DPP8: variants seen among roughly 807,000 people sequenced by gnomAD.
DPP8 encodes DPP VIII.
DPP8 carries 31 observed loss-of-function variants against 107.5 expected under a neutral mutation model. That is an observed-to-expected ratio of 0.29 (90% confidence interval 0.22 to 0.39). The LOEUF (loss-of-function observed/expected upper bound fraction) is 0.39, where lower values mean the gene tolerates loss of function less well. Among genes scored for constraint, DPP8 ranks in the 10% least tolerant of loss-of-function variants. The pLI, the probability that DPP8 is intolerant of heterozygous loss-of-function variation, is 1.00. For missense variants in DPP8, 842 were observed against 1,076.1 expected (o/e 0.78, Z 3.04); for synonymous variants, 381 against 356.6 (o/e 1.07, Z -0.77).
intron 11 of DPP8, 114 bp downstream of exon 11, chr15:65,478,766 T>C: frequency 1.4e-6 from 1 of 707,366 alleles, no homozygotes; most frequent in Non-Finnish European, 2.3e-6. Flanking sequence ...ACATATTAAG[T>C]TTAACAAAGC....
intron 8 of DPP8, 48 bp downstream of exon 8, chr15:65,485,051 T>G (rs377279610): frequency 7.0e-7 from 1 of 1,430,196 alleles, no homozygotes; most frequent in Non-Finnish European, 9.9e-7. Flanking sequence ...CTGGGCTGAA[T>G]AGATTAGTCA....
intron 12 of DPP8, among the ~76,000 whole-genome samples, chr15:65,472,852 C>T (rs971862649): frequency 5.9e-5 from 9 of 152,022 alleles, no homozygotes; most frequent in Non-Finnish European, 1.3e-4. Context: ...CCAGCCTGGG[C>T]AACATGGCGG....
At position 65,466,667 on chromosome 15, in the gene DPP8, A is replaced by G; in HGVS notation, c.1825+11T>C. 2 of 1,613,216 alleles carry G rather than the reference A, an allele frequency of 1.2e-6. No individual in the cohort carries two copies. Among genetic ancestry groups the G allele is most frequent in the Middle Eastern group, 1.6e-4 (1 of 6,062 alleles). ...CTACTTAACGTCAGGATCAGGGGGA[A>G]AAAAGAATACCTGCTGAATCCAAAA... On this transcript the variant is annotated intron_variant, in intron 14 of 19. Coordinates refer to ENST00000300141, the MANE Select transcript of DPP8 (RefSeq NM_130434.5).
At chr15:65,448,671 CAAAAAAA>C (rs56658742) in intron 19 of DPP8, among the ~76,000 whole-genome samples, 40 of 57,364 alleles carry the variant, frequency 7.0e-4, no homozygotes, top group African/African-American at 9.3e-4. Context: ...AACTCCATCT[CAAAAAAA>C]AAAAAAAAAA....
At chr15:65,489,085 C>T (rs1184232403) in intron 6 of DPP8, among the ~76,000 whole-genome samples, 5 of 151,996 alleles carry the variant, frequency 3.3e-5, no homozygotes, top group Non-Finnish European at 7.4e-5. Flanking sequence ...CTCAGCCTCC[C>T]GAGTAGCTGG....
intron 1 of DPP8, chr15:65,515,932 A>G (rs915760049): frequency 4.1e-6 from 2 of 490,182 alleles, no homozygotes; most frequent in Admixed American, 7.8e-5. Context: ...TGCCTACATT[A>G]TTTTGTATCT....
intron 17 of DPP8, among the ~76,000 whole-genome samples, chr15:65,453,545 G>C (rs960755638): frequency 6.6e-6 from 1 of 152,070 alleles, no homozygotes; most frequent in Admixed American, 6.6e-5. Context: ...AAGGCAGAGG[G>C]ATCACTTCAG....
intron 14 of DPP8, among the ~76,000 whole-genome samples, chr15:65,466,185 C>A (rs2065333981): frequency 6.6e-6 from 1 of 152,144 alleles, no homozygotes; most frequent in African/African-American, 2.4e-5. Context: ...GTCACCCAGG[C>A]TGCAGTTCAG....
intron 14 of DPP8, among the ~76,000 whole-genome samples, chr15:65,465,873 T>A (rs1374623171): frequency 2.0e-5 from 3 of 152,096 alleles, no homozygotes; most frequent in Admixed American, 6.6e-5. Context: ...TTATTTATGT[T>A]TAAGAAATCA....
In DPP8 at chr15:65,454,305, G is replaced by A; in HGVS notation, c.2229C>T (p.Tyr743=). 1.3e-6 allele frequency: 2 copies of A among 1,585,916 alleles called. No individual in the cohort carries two copies. The highest frequency in any genetic ancestry group is 1.7e-6 in the Non-Finnish European group (2 of 1,170,730). ...VGIHGWSYGG[Y]LSLMALMQRS... is the part of the protein sequence containing the mutation. ...TCTGCATTAATGCCATCAGGGAGAG[G>A]TATCCTCCATAGGACCAGCCGTGGA... The change falls in exon 17 of 20, where the codon TAC becomes TAT. Residue 743 remains tyrosine (Y), a synonymous_variant. Transcript: ENST00000300141.
At chr15:65,476,880 T>C (rs2066435057) in intron 11 of DPP8, among the ~76,000 whole-genome samples, 1 of 152,154 alleles carries the variant, frequency 6.6e-6, no homozygotes, top group African/African-American at 2.4e-5. Flanking sequence ...AAAGGAATCC[T>C]GACATGCACT....
chr15:65,489,181 G>A (rs1596026600), intron 6 of DPP8, among the ~76,000 whole-genome samples: 2 of 152,026 alleles, frequency 1.3e-5, no homozygotes, highest in African/African-American at 4.8e-5. Flanking sequence ...GGATAGTCTC[G>A]ATCTCCTGAC....
chr15:65,515,164 T>TAAA (rs1217924042), intron 1 of DPP8, among the ~76,000 whole-genome samples: 1 of 152,192 alleles, frequency 6.6e-6, no homozygotes, highest in African/African-American at 2.4e-5. Context: ...AACTTTTTTG[T>TAAA]AGAGATGGGG....
chr15:65,507,623 G>C (rs958297548), intron 2 of DPP8, among the ~76,000 whole-genome samples: 11 of 128,324 alleles, frequency 8.6e-5, no homozygotes, highest in Non-Finnish European at 1.4e-4. Flanking sequence ...AGGAATTCAA[G>C]ACCAGCCTGG....
At chr15:65,481,876 TTGA>T (rs1375358627) in intron 8 of DPP8, among the ~76,000 whole-genome samples, 1 of 152,102 alleles carries the variant, frequency 6.6e-6, no homozygotes, top group African/African-American at 2.4e-5. Flanking sequence ...AACAGAACAC[TTGA>T]TAATAACTAG....
intron 1 of DPP8, chr15:65,515,726 A>T (rs1311246251): frequency 3.7e-6 from 6 of 1,605,392 alleles, no homozygotes; most frequent in Non-Finnish European, 5.1e-6. Flanking sequence ...CTCGACTTCA[A>T]GCATAGAATC....
At chr15:65,454,803 G>A (rs765223347) in intron 16 of DPP8, among the ~76,000 whole-genome samples, 15 of 152,188 alleles carry the variant, frequency 9.9e-5, no homozygotes, top group Non-Finnish European at 2.1e-4. Flanking sequence ...GGGATTACAG[G>A]CGTGAGCCAC....
chr15:65,505,638 A>C (rs1000500667), intron 3 of DPP8, among the ~76,000 whole-genome samples: 1 of 152,098 alleles, frequency 6.6e-6, no homozygotes, highest in Non-Finnish European at 1.5e-5. Context: ...AATGTTCATG[A>C]CAAATAGTTG....
chr15:65,471,141 G>C (rs191493407), intron 12 of DPP8, among the ~76,000 whole-genome samples: 1 of 152,144 alleles, frequency 6.6e-6, no homozygotes, highest in African/African-American at 2.4e-5. Flanking sequence ...ATTTACATCA[G>C]TGTAGTTTTC....
Sources: gnomAD v4.1 joint callset for allele counts (sites outside exome capture counted in the v4.1 genomes callset) on GRCh38, gnomAD v4.1.1 for gene constraint, MANE v1.5 for transcripts, NCBI Gene and HGNC (gene_info 2026-07-23, HGNC 2026-07-21) for gene names.